Variants in CDKAL1 observed in about 807,000 individuals in gnomAD.
The protein encoded by CDKAL1 is CDKAL1 threonylcarbamoyladenosine tRNA methylthiotransferase.
A neutral mutation model predicts 68.2 loss-of-function variants in CDKAL1; 32 were observed. The observed-to-expected ratio is 0.47, with a 90% CI of 0.35 to 0.63. CDKAL1 has a LOEUF of 0.63. Among genes scored for constraint, CDKAL1 ranks in the 30% least tolerant of loss-of-function variants. The pLI is 0.00. For synonymous variants in CDKAL1, 234 were observed against 244.3 expected (o/e 0.96, Z 0.39); for missense variants, 606 against 696.7 (o/e 0.87, Z 1.47).
chr6:20,874,721 T>C (rs1760408398), intron 9 of CDKAL1, among the ~76,000 whole-genome samples: 1 of 151,932 alleles, frequency 6.6e-6, no homozygotes, highest in South Asian at 2.1e-4. Flanking sequence ...CAGGCTGGTC[T>C]CGAACTCCGG....
At chr6:20,776,356 T>A (rs1227770138) in intron 7 of CDKAL1, among the ~76,000 whole-genome samples, 1 of 152,232 alleles carries the variant, frequency 6.6e-6, no homozygotes, top group African/African-American at 2.4e-5. Flanking sequence ...GAATCCAACA[T>A]GCCAAATGCT....
chr6:20,928,937 G>A (rs1015915857), intron 9 of CDKAL1, among the ~76,000 whole-genome samples: 1 of 152,082 alleles, frequency 6.6e-6, no homozygotes, highest in African/African-American at 2.4e-5. Flanking sequence ...TTACGAAGTC[G>A]AGTCCTGGAT....
intron 5 of CDKAL1, among the ~76,000 whole-genome samples, chr6:20,738,490 T>G (rs986205179): frequency 6.7e-6 from 1 of 148,594 alleles, no homozygotes; most frequent in Admixed American, 6.7e-5. Context: ...TCTTAGTTTT[T>G]TTTTTTTTTT....
intron 8 of CDKAL1, among the ~76,000 whole-genome samples, chr6:20,821,041 A>G (rs1037858061): frequency 4.6e-5 from 7 of 151,902 alleles, no homozygotes. Context: ...TGCCTAGAGA[A>G]GAGGGTCTCA....
chr6:20,620,111 T>C (rs1316032258), intron 4 of CDKAL1, among the ~76,000 whole-genome samples: 5 of 152,216 alleles, frequency 3.3e-5, no homozygotes, highest in African/African-American at 1.2e-4. Flanking sequence ...AGTTCATATG[T>C]GTTGGTTAAG....
intron 9 of CDKAL1, among the ~76,000 whole-genome samples, chr6:20,886,949 T>C (rs2150571328): frequency 6.6e-6 from 1 of 152,308 alleles, no homozygotes; most frequent in Non-Finnish European, 1.5e-5. Context: ...AGGGTTGATA[T>C]CCAGCATATA....
intron 5 of CDKAL1, among the ~76,000 whole-genome samples, chr6:20,714,111 C>CT (rs66460913): frequency 0.3 from 44,666 of 151,346 alleles, 8,262 homozygotes; most frequent in African/African-American, 0.51. Flanking sequence ...GAAAGATGTT[C>CT]TTTTTTTTAT....
chr6:20,571,539 G>A (rs115757889), intron 4 of CDKAL1, among the ~76,000 whole-genome samples: 1,660 of 152,166 alleles, frequency 0.011, 26 homozygotes, highest in African/African-American at 0.036. Flanking sequence ...TATGGATGAA[G>A]TGGATTGACA....
At chr6:21,029,762 T>A (rs542635028) in intron 11 of CDKAL1, among the ~76,000 whole-genome samples, 132 of 152,008 alleles carry the variant, frequency 8.7e-4, no homozygotes, top group Non-Finnish European at 1.6e-3. Context: ...GAAATGCAAA[T>A]CAAAACCACA....
chr6:20,704,133 G>C (rs1406407440), intron 5 of CDKAL1, among the ~76,000 whole-genome samples: 1 of 152,118 alleles, frequency 6.6e-6, no homozygotes, highest in African/African-American at 2.4e-5. Context: ...GAGCTTATGT[G>C]GGTAGGGAGA....
At chr6:20,946,353 G>A (rs947842418) in intron 9 of CDKAL1, among the ~76,000 whole-genome samples, 1 of 152,142 alleles carries the variant, frequency 6.6e-6, no homozygotes, top group African/African-American at 2.4e-5. Context: ...TAGCAAATCT[G>A]CATGGCTTAG....
intron 15 of CDKAL1, among the ~76,000 whole-genome samples, chr6:21,229,158 C>T (rs1375344572): frequency 2.0e-5 from 3 of 152,150 alleles, no homozygotes; most frequent in Non-Finnish European, 4.4e-5. Flanking sequence ...CTGCTGTTAG[C>T]CTTCTACAGA....
intron 4 of CDKAL1, among the ~76,000 whole-genome samples, chr6:20,630,720 T>G (rs181375625): frequency 0.058 from 8,852 of 152,232 alleles, 393 homozygotes; most frequent in Non-Finnish European, 0.078. Context: ...ATAGCTAGCA[T>G]GGAATCAGCT....
At chr6:20,732,474 A>C (rs113721586) in intron 5 of CDKAL1, among the ~76,000 whole-genome samples, 2,666 of 144,664 alleles carry the variant, frequency 0.018, 67 homozygotes, top group African/African-American at 0.063. Flanking sequence ...TTTAGTAGAG[A>C]TCGGGTTTCA....
chr6:21,210,409 CA>C (rs1256028101), intron 15 of CDKAL1, among the ~76,000 whole-genome samples: 1 of 152,050 alleles, frequency 6.6e-6, no homozygotes, highest in Non-Finnish European at 1.5e-5. Flanking sequence ...ATGAAGGCTC[CA>C]GAGAGCTGCC....
rs562802761 is a variant in CDKAL1 at position 20,708,743 on chromosome 6, CT to C, written c.372-30775del. Among the ~76,000 whole-genome samples, 353 of 152,210 alleles carry C rather than the reference CT, an allele frequency of 2.3e-3. 1 individual carries two copies. Among genetic ancestry groups the C allele is most frequent in the Middle Eastern group, 6.8e-3 (2 of 294 alleles). On this transcript the variant is annotated intron_variant, in intron 5 of 15. Transcript: ENST00000274695. ...TAGTTTTTTGTATGTGTGCATGTGT[CT>C]GATGATATTGTAGTCTTGGTCTTTC...
intron 8 of CDKAL1, 104 bp downstream of exon 8, chr6:20,781,369 G>T: frequency 9.7e-7 from 1 of 1,031,160 alleles, no homozygotes; most frequent in African/African-American, 1.6e-5. Context: ...ACATTTTCTT[G>T]GGAAAGAAAA....
chr6:20,808,276 A>G (rs954114316), intron 8 of CDKAL1, among the ~76,000 whole-genome samples: 5 of 152,134 alleles, frequency 3.3e-5, no homozygotes, highest in Admixed American at 1.3e-4. Flanking sequence ...AATTGCATTT[A>G]TTATTTTTAT....
intron 5 of CDKAL1, among the ~76,000 whole-genome samples, chr6:20,704,736 C>T (rs902758695): frequency 3.7e-4 from 56 of 152,252 alleles, no homozygotes; most frequent in African/African-American, 1.3e-3. Context: ...AGTTAATTTG[C>T]TCATTGTTTC....
Sources: allele counts gnomAD v4.1 joint callset (sites outside exome capture counted in the v4.1 genomes callset), GRCh38; gene constraint gnomAD v4.1.1; transcripts MANE v1.5; gene names NCBI Gene and HGNC (gene_info 2026-07-23, HGNC 2026-07-21).